Variants in CNR2 observed in about 807,000 individuals in gnomAD.
CNR2 encodes cannabinoid receptor 2.
For missense variants in CNR2, 379 were observed against 439.9 expected (o/e 0.86, Z 1.24); for synonymous variants, 172 against 182.2 (o/e 0.94, Z 0.45).
chr1:23,872,831 C>T lies in CNR2; in HGVS notation c.*1704G>A, dbSNP rs1263114777. ...CGTTTATTGAGTTAACTCAATTAAT[C>T]CCTATTACATGACATGAACCTGCAT... On this transcript the variant is annotated 3_prime_UTR_variant, in exon 2 of 2. Coordinates refer to ENST00000374472, the MANE Select transcript of CNR2 (RefSeq NM_001841.3). The T allele has an allele frequency of 6.6e-6, 1 of 152,154 alleles. No homozygotes were observed. Among genetic ancestry groups the T allele is most frequent in the Non-Finnish European group, 1.5e-5 (1 of 68,026 alleles). The allele number at this position is 152,154 out of a possible 1,614,324, so 9.4% of individuals were successfully genotyped here.
chr1:23,902,851 G>C lies in CNR2; in HGVS notation c.-46+10395C>G, dbSNP rs1040695612. Reference sequence around the variant, plus strand: ...GCCCGGCCTTCCTGCCCACGGCGGCGCCGGCGTTGCTGTGGGCTAGGACCG... The same window carrying C: ...GCCCGGCCTTCCTGCCCACGGCGGCCCCGGCGTTGCTGTGGGCTAGGACCG... On this transcript the variant is annotated intron_variant, in intron 1 of 1. Coordinates refer to ENST00000374472, the MANE Select transcript of CNR2 (RefSeq NM_001841.3). 5.7e-6 allele frequency: 7 copies of C among 1,222,300 alleles called. No homozygotes were observed. The African/African-American group carries it at 7.9e-5, about 14-fold the overall frequency. The allele number at this position is 1,222,300 out of a possible 1,614,324, so 75.7% of individuals were successfully genotyped here.
intron 1 of CNR2, among the ~76,000 whole-genome samples, chr1:23,906,058 C>T (rs146638963): frequency 2.0e-5 from 3 of 152,230 alleles, no homozygotes; most frequent in South Asian, 2.1e-4. Flanking sequence ...AACTTACCCT[C>T]GGAACCAACT....
Position 23,871,774 on chromosome 1 carries a change from A to G in CNR2, c.*2761T>C, listed in dbSNP as rs571677747. 2.1e-4 allele frequency: 32 copies of G among 152,310 alleles called. 1 individual carries two copies. The highest frequency in any genetic ancestry group is 7.7e-4 in the African/African-American group (32 of 41,572). The allele number at this position is 152,310 out of a possible 1,614,324, so 9.4% of individuals were successfully genotyped here. A position where few individuals can be genotyped will look rare whatever the true frequency, so the allele number is the denominator to read the frequency against. On this transcript the variant is annotated 3_prime_UTR_variant, in exon 2 of 2. Transcript: ENST00000374472. ...AGGGTCTCTACAGATATAATTGGTTAAATTAAGATGAAGTCATACTATTAG... is the reference window on the plus strand; with the variant it reads ...AGGGTCTCTACAGATATAATTGGTTGAATTAAGATGAAGTCATACTATTAG...
chr1:23,892,713 C>T (rs1439374956), intron 1 of CNR2, among the ~76,000 whole-genome samples: 2 of 152,144 alleles, frequency 1.3e-5, no homozygotes, highest in Non-Finnish European at 2.9e-5. Context: ...CACCTCTACT[C>T]TTTTTAAGGA....
chr1:23,886,612 C>T (rs1315217451), intron 1 of CNR2, among the ~76,000 whole-genome samples: 1 of 152,248 alleles, frequency 6.6e-6, no homozygotes, highest in Non-Finnish European at 1.5e-5. Flanking sequence ...TAAGCCATAT[C>T]TTGACTGCAG....
chr1:23,911,835 A>G (rs529787324), intron 1 of CNR2, among the ~76,000 whole-genome samples: 2 of 152,302 alleles, frequency 1.3e-5, no homozygotes, highest in Non-Finnish European at 2.9e-5. Context: ...GTAAGCCACA[A>G]GGTGGTTACA....
intron 1 of CNR2, among the ~76,000 whole-genome samples, chr1:23,892,208 G>T (rs1472526689): frequency 6.6e-6 from 1 of 152,230 alleles, no homozygotes; most frequent in Non-Finnish European, 1.5e-5. Context: ...TTGTGAACAG[G>T]CCACCAGGAC....
At chr1:23,902,875 C>T in intron 1 of CNR2, 1 of 1,161,320 alleles carries the variant, frequency 8.6e-7, no homozygotes, top group Non-Finnish European at 1.1e-6. Flanking sequence ...GGGCTAGGAC[C>T]GCGGCCGCGG....
chr1:23,907,635 C>G (rs1419586527), intron 1 of CNR2: 1 of 152,000 alleles, frequency 6.6e-6, no homozygotes, highest in South Asian at 2.1e-4. Flanking sequence ...GGATTACAGG[C>G]GTGTGCCACC....
rs201166922 is a variant in CNR2 at position 23,874,733 on chromosome 1, G to A, written c.885C>T (p.Asn295=). The A allele has an allele frequency of 1.5e-5, 24 of 1,614,090 alleles. No homozygotes were observed. Among genetic ancestry groups the A allele is most frequent in the Non-Finnish European group, 2.0e-5 (24 of 1,180,036 alleles). The stretch of plus-strand genomic sequence containing the variant: ...CACTCCGTAGAGCATAGATGACAGG[G>A]TTGACCATGGAGTTGATGAGGCACA... The part of the protein sequence containing the change: ...SMLCLINSMV[N]PVIYALRSGE... Residue 295 remains asparagine, a synonymous_variant, in exon 2 of 2, where the codon AAC becomes AAT. Transcript: ENST00000374472.
At position 23,913,353 on chromosome 1, in the gene CNR2, G is replaced by A. The variant is rs932788979; in HGVS notation, c.-153C>T. 3.3e-5 allele frequency: 5 copies of A among 152,460 alleles called. No individual in the cohort carries two copies. Among genetic ancestry groups the A allele is most frequent in the African/African-American group, 1.2e-4 (5 of 41,462 alleles). The allele number at this position is 152,460 out of a possible 1,614,324, so 9.4% of individuals were successfully genotyped here. A position where few individuals can be genotyped will look rare whatever the true frequency, so the allele number is the denominator to read the frequency against. On this transcript the variant is annotated 5_prime_UTR_variant, in exon 1 of 2. Coordinates refer to ENST00000374472, the MANE Select transcript of CNR2 (RefSeq NM_001841.3). Reference sequence around the variant, plus strand: ...GCCGTGGGTGCCACTCAGAGCACCTGTTGAGTGCCACCCCAAGCCAGCTTT... The same window carrying A: ...GCCGTGGGTGCCACTCAGAGCACCTATTGAGTGCCACCCCAAGCCAGCTTT...
chr1:23,911,483 G>A (rs575674202), intron 1 of CNR2, among the ~76,000 whole-genome samples: 1 of 152,222 alleles, frequency 6.6e-6, no homozygotes, highest in South Asian at 2.1e-4. Flanking sequence ...TGTTCTGTGT[G>A]TCCTCTGGGT....
chr1:23,895,539 G>A (rs2502971), intron 1 of CNR2, among the ~76,000 whole-genome samples: 124,169 of 151,856 alleles, frequency 0.82, 50,867 homozygotes, highest in Admixed American at 0.84. Flanking sequence ...ACAGAGTCTC[G>A]CTCTATCACC....
rs140768553 is a variant in CNR2 at position 23,907,488 on chromosome 1, G to T, written c.-46+5758C>A. On this transcript the variant is annotated intron_variant, in intron 1 of 1. Transcript: ENST00000374472. ...GAGGAGTTAACACCATCATTTCCTT[G>T]TATTTTCTTTTCTTTTTTTTGAGGT... Among the ~76,000 whole-genome samples the T allele has an allele frequency of 2.7e-5, 4 of 149,926 alleles. No homozygotes were observed. The East Asian group carries it at 8.0e-4, about 30-fold the overall frequency.
chr1:23,875,382 G>GC lies in CNR2; in HGVS notation c.235dup (p.Ala79GlyfsTer2). ...AAAGACCACACTGGCCAGGAAGTCA[G>GC]CCCCAGCCAAGCTGCCAATGAACAG... is the stretch of plus-strand genomic sequence containing the variant. On this transcript the variant is annotated frameshift_variant, in exon 2 of 2. Coordinates refer to ENST00000374472, the MANE Select transcript of CNR2 (RefSeq NM_001841.3). LOFTEE classifies it high-confidence loss of function. 1 of 1,614,248 alleles carries GC rather than the reference G, an allele frequency of 6.2e-7. No homozygotes were observed. Among genetic ancestry groups the GC allele is most frequent in the Non-Finnish European group, 8.5e-7 (1 of 1,180,050 alleles).
chr1:23,879,766 T>C (rs555479319), intron 1 of CNR2, among the ~76,000 whole-genome samples: 1 of 152,322 alleles, frequency 6.6e-6, no homozygotes, highest in African/African-American at 2.4e-5. Context: ...ATCTCTTATC[T>C]GGTTTATTGC....
intron 1 of CNR2, among the ~76,000 whole-genome samples, chr1:23,890,334 C>G (rs926701923): frequency 1.3e-5 from 2 of 151,794 alleles, no homozygotes; most frequent in Admixed American, 6.6e-5. Flanking sequence ...GCCTGACCTT[C>G]GCCTGAGAGC....
At position 23,898,649 on chromosome 1, in the gene CNR2, T is replaced by C. The variant is rs1401947793; in HGVS notation, c.-46+14597A>G. On this transcript the variant is annotated intron_variant, in intron 1 of 1. Coordinates refer to ENST00000374472, the MANE Select transcript of CNR2 (RefSeq NM_001841.3). ...GCCACCACGCCTGGCCAATTTTTTT[T>C]TTTTTTTTTTTTTTTTTTTTTGAGA... Among the ~76,000 whole-genome samples the C allele has an allele frequency of 3.5e-4, 38 of 109,252 alleles. 1 individual carries two copies. In the South Asian group the frequency reaches 0.013, roughly 37 times the overall value. The allele number at this position is 109,252 out of a possible 152,430, so 71.7% of individuals were successfully genotyped here. A position where few individuals can be genotyped will look rare whatever the true frequency, so the allele number is the denominator to read the frequency against.
chr1:23,891,689 C>T (rs140414872), intron 1 of CNR2, among the ~76,000 whole-genome samples: 8 of 152,108 alleles, frequency 5.3e-5, no homozygotes, highest in African/African-American at 9.6e-5. Context: ...AACCCACCTC[C>T]TCCAAGAAGC....
Sources: allele counts gnomAD v4.1 joint callset (sites outside exome capture counted in the v4.1 genomes callset), GRCh38; gene constraint gnomAD v4.1.1; transcripts MANE v1.5; gene names NCBI Gene and HGNC (gene_info 2026-07-23, HGNC 2026-07-21).